The following GLUL variants were observed in gnomAD, a reference collection of about 807,000 sequenced individuals.
The protein encoded by GLUL is glutamate-ammonia ligase, also known as glutamine synthetase.
In GLUL, 8 loss-of-function variants were observed where a neutral mutation model predicts 36.9. That is an observed-to-expected ratio of 0.22 (90% CI 0.13 to 0.39). The LOEUF (loss-of-function observed/expected upper bound fraction) is 0.39, where lower values mean the gene tolerates loss of function less well. Ranked by LOEUF, GLUL falls within the 10% of genes least tolerant of loss-of-function variation. The probability of loss-of-function intolerance (pLI) is 1.00; values close to 1 mark genes in which losing one functional copy is unlikely to be tolerated. For missense variants in GLUL, 315 were observed against 501.8 expected (o/e 0.63, Z 3.56); for synonymous variants, 182 against 172.8 (o/e 1.05, Z -0.42).
intron 3 of GLUL, 83 bp from the exon 4 acceptor site, chr1:182,386,485 T>C (rs1650188570): frequency 9.6e-7 from 1 of 1,043,846 alleles, no homozygotes; most frequent in Non-Finnish European, 1.5e-6. Flanking sequence ...GAATAGTCCT[T>C]GGATTCTATA....
Position 182,382,005 on chromosome 1 carries a change from G to A in GLUL, c.*2400C>T, listed in dbSNP as rs537395125. On this transcript the variant is annotated 3_prime_UTR_variant, in exon 7 of 7. Transcript: ENST00000331872. ...AGCCAACTTTCTTAAGAAAAACCAC[G>A]GATATCTAGGATTACTTGACTAGTG... is the stretch of plus-strand genomic sequence containing the variant. The A allele has an allele frequency of 2.6e-5, 4 of 152,164 alleles. No homozygotes were observed. The highest frequency in any genetic ancestry group is 3.9e-4 in the East Asian group (2 of 5,180). The allele number at this position is 152,164 out of a possible 1,614,324, so 9.4% of individuals were successfully genotyped here.
chr1:182,389,061 C>A (rs4652704), intron 1 of GLUL: 4 of 367,292 alleles, frequency 1.1e-5, no homozygotes, highest in Non-Finnish European at 2.1e-5. Context: ...CCTGAGCTCA[C>A]AGGCTTAAGT....
rs1396930628 is a variant in GLUL at position 182,380,615 on chromosome 1, A to G, written c.*3790T>C. ...CTGGCCTTGATTCTTTTTAAGCTCA[A>G]TAAAAATGGAACTTTGTCTTGCTGT... is the stretch of plus-strand genomic sequence containing the variant. On this transcript the variant is annotated 3_prime_UTR_variant, in exon 7 of 7. Transcript: ENST00000331872. 3.9e-5 allele frequency among the ~76,000 whole-genome samples: 6 copies of G among 152,236 alleles called. No individual in the cohort carries two copies. Among genetic ancestry groups the G allele is most frequent in the Non-Finnish European group, 5.9e-5 (4 of 68,034 alleles).
rs1649874812 is a variant in GLUL, at chr1:182,380,100, G to A, written c.*4305C>T. 6.6e-6 allele frequency among the ~76,000 whole-genome samples: 1 copy of A among 152,080 alleles called. No homozygotes were observed. Among genetic ancestry groups the A allele is most frequent in the South Asian group, 2.1e-4 (1 of 4,812 alleles). The stretch of plus-strand genomic sequence containing the variant: ...CGATCTCAGGTGATCCACCTGCCTC[G>A]GCCTCTCAAGGTGCTGGGATTATAG... On this transcript the variant is annotated 3_prime_UTR_variant, in exon 7 of 7. Coordinates refer to ENST00000331872, the MANE Select transcript of GLUL (RefSeq NM_001033044.4).
Position 182,388,605 on chromosome 1 carries a change from G to C in GLUL, c.133C>G (p.Arg45Gly), listed in dbSNP as rs768496218. 3.1e-6 allele frequency: 5 copies of C among 1,613,838 alleles called. No individual in the cohort carries two copies. The highest frequency in any genetic ancestry group is 4.2e-6 in the Non-Finnish European group (5 of 1,179,822). ...GTGEGLRCKT[R>G]TLDSEPKCVE... ...CACTTGGGCTCACTGTCCAGGGTCCGGGTCTTGCAGCGCAGTCCTTCTCCA... is the reference window on the plus strand; with the variant it reads ...CACTTGGGCTCACTGTCCAGGGTCCCGGTCTTGCAGCGCAGTCCTTCTCCA... Residue 45 changes from arginine to glycine, a missense_variant, in exon 2 of 7, where the codon CGG (arginine) becomes GGG (glycine). Transcript: ENST00000331872.
chr1:182,388,883 C>G (rs1650292862), intron 1 of GLUL, 133 bp from the exon 2 acceptor site: 5 of 739,314 alleles, frequency 6.8e-6, no homozygotes, highest in Admixed American at 6.0e-5. Flanking sequence ...GAAGTCAACA[C>G]ACAAAAAGTT....
chr1:182,387,081 A>G (rs888834174), intron 3 of GLUL, 50 bp downstream of exon 3: 4 of 1,401,978 alleles, frequency 2.9e-6, no homozygotes, highest in African/African-American at 1.4e-5. Flanking sequence ...CCTCCCCTTC[A>G]CAGCATTCAC....
chr1:182,378,242 C>T lies in GLUL; in HGVS notation c.*6163G>A, dbSNP rs1252599078. 6.6e-6 allele frequency among the ~76,000 whole-genome samples: 1 copy of T among 152,174 alleles called. No homozygotes were observed. The highest frequency in any genetic ancestry group is 1.9e-4 in the East Asian group (1 of 5,202). ...GAGGAAACACGCTGCAATCTCAAGA[C>T]AATGCAGGTAACTCAATCTGAAATC... is the stretch of plus-strand genomic sequence containing the variant. On this transcript the variant is annotated 3_prime_UTR_variant, in exon 7 of 7. Transcript: ENST00000331872.
Position 182,385,752 on chromosome 1 carries a change from A to G in GLUL, c.603+8T>C, listed in dbSNP as rs1040261971. 2.0e-5 allele frequency: 32 copies of G among 1,614,086 alleles called. No individual in the cohort carries two copies. The highest frequency in any genetic ancestry group is 2.5e-5 in the Non-Finnish European group (30 of 1,179,982). Reference sequence around the variant, plus strand: ...CCTTCTTCATTGATGGATTGGAGCTATACTTACCTGGGCAGGCATGACCTC... The same window carrying G: ...CCTTCTTCATTGATGGATTGGAGCTGTACTTACCTGGGCAGGCATGACCTC... On this transcript the variant is annotated splice_region_variant and intron_variant, in intron 5 of 6. Transcript: ENST00000331872.
chr1:182,386,974 C>T (rs1003825523), intron 3 of GLUL, 157 bp downstream of exon 3: 2 of 710,826 alleles, frequency 2.8e-6, no homozygotes, highest in Non-Finnish European at 5.2e-6. Context: ...ATTATCTCTT[C>T]CTCAAAGCAG....
At chr1:182,388,906 T>C (rs1365144453) in intron 1 of GLUL, 156 bp from the exon 2 acceptor site, 3 of 678,346 alleles carry the variant, frequency 4.4e-6, no homozygotes, top group South Asian at 1.6e-5. Flanking sequence ...GTTTACTCAC[T>C]CTTTCAGGGG....
Position 182,378,576 on chromosome 1 carries a change from G to A in GLUL, c.*5829C>T, listed in dbSNP as rs974468674. On this transcript the variant is annotated 3_prime_UTR_variant, in exon 7 of 7. Transcript: ENST00000331872. ...CTAGTGACAACTTTCTCATCTCGGC[G>A]AATTCTCTTGTGTACTGTTTCTGGA... Among the ~76,000 whole-genome samples the A allele has an allele frequency of 1.3e-5, 2 of 152,102 alleles. No homozygotes were observed. The highest frequency in any genetic ancestry group is 2.4e-5 in the African/African-American group (1 of 41,420).
At chr1:182,386,856 C>G in intron 3 of GLUL, 1 of 535,238 alleles carries the variant, frequency 1.9e-6, no homozygotes, top group East Asian at 3.4e-5. Context: ...GGCCTACATT[C>G]CAGGCAGGAA....
chr1:182,391,128 G>A (rs982262784), intron 1 of GLUL: 1 of 398,410 alleles, frequency 2.5e-6, no homozygotes, highest in African/African-American at 2.1e-5. Context: ...ACATTGGAAG[G>A]CCCCCGGGAC....
At position 182,380,260 on chromosome 1, in the gene GLUL, T is replaced by C. The variant is rs1195016451; in HGVS notation, c.*4145A>G. On this transcript the variant is annotated 3_prime_UTR_variant, in exon 7 of 7. Transcript: ENST00000331872. The stretch of plus-strand genomic sequence containing the variant: ...CACGAAGTTTTTAGTGCTGCCATAA[T>C]GTTTGTAGTAAAAAGAATCAACATT... Among the ~76,000 whole-genome samples, 1 of 152,244 alleles carries C rather than the reference T, an allele frequency of 6.6e-6. No individual in the cohort carries two copies. The highest frequency in any genetic ancestry group is 1.5e-5 in the Non-Finnish European group (1 of 68,040).
intron 1 of GLUL, chr1:182,390,568 G>A (rs920993265): frequency 6.8e-5 from 27 of 398,976 alleles, no homozygotes; most frequent in African/African-American, 4.5e-4. Context: ...AGTGGCGTTC[G>A]CGCCTCTCCT....
chr1:182,386,111 T>G, intron 4 of GLUL, 145 bp downstream of exon 4: 1 of 919,748 alleles, frequency 1.1e-6, no homozygotes, highest in Non-Finnish European at 1.8e-6. Context: ...TATCCATTTT[T>G]GGACTTTGGT....
chr1:182,384,237 C>T lies in GLUL; in HGVS notation c.*168G>A. 1 of 678,840 alleles carries T rather than the reference C, an allele frequency of 1.5e-6. No individual in the cohort carries two copies. The highest frequency in any genetic ancestry group is 2.1e-5 in the Admixed American group (1 of 46,636). 42.1% of individuals were successfully genotyped at this position (678,840 alleles called of 1,614,324 possible). On this transcript the variant is annotated 3_prime_UTR_variant, in exon 7 of 7. Transcript: ENST00000331872. ...TGTGAAGAAATTAATAACTTGACCC[C>T]TCTATCCCAGCCAAACAAAGAAAGC...
Position 182,386,406 on chromosome 1 carries a change from GAA to G in GLUL, c.329-6_329-5del, listed in dbSNP as rs754166159. The G allele has an allele frequency of 2.0e-5, 32 of 1,603,674 alleles. No homozygotes were observed. Among genetic ancestry groups the G allele is most frequent in the South Asian group, 1.4e-4 (13 of 90,916 alleles). On this transcript the variant is annotated splice_polypyrimidine_tract_variant and splice_region_variant and intron_variant, in intron 3 of 6. Coordinates refer to ENST00000331872, the MANE Select transcript of GLUL (RefSeq NM_001033044.4). ...CAGGTGTGCCTCAAATTGGTCTCTA[GAA>G]AAAAGAGTCAATAATACGCCATCAG...
Sources: allele counts gnomAD v4.1 joint callset (sites outside exome capture counted in the v4.1 genomes callset), GRCh38; gene constraint gnomAD v4.1.1; transcripts MANE v1.5; gene names NCBI Gene and HGNC (gene_info 2026-07-23, HGNC 2026-07-21).